The following NARS2 variants were observed in gnomAD, a reference collection of about 807,000 sequenced individuals.
The protein encoded by NARS2 is asparaginyl-tRNA synthetase 2, mitochondrial, also known as asparaginyl-tRNA synthetase.
In NARS2, 60 loss-of-function variants were observed where a neutral mutation model predicts 62.9. The ratio of observed to expected loss-of-function variants is 0.95; its 90% CI spans 0.77 to 1.18. NARS2 has a LOEUF of 1.18. NARS2 is among the 50% of genes most tolerant of loss of function. The pLI is 0.00. For missense variants in NARS2, 619 were observed against 576.4 expected, an observed-to-expected ratio of 1.07 and a Z score of -0.76; for synonymous variants, 196 against 200.0, an observed-to-expected ratio of 0.98 and a Z score of 0.17.
chr11:78,473,439 G>T (rs1359851633), intron 9 of NARS2, among the ~76,000 whole-genome samples: 1 of 152,138 alleles, frequency 6.6e-6, no homozygotes, highest in Admixed American at 6.5e-5. Context: ...CTGTGTATTT[G>T]GAGTGTGAGA....
intron 9 of NARS2, among the ~76,000 whole-genome samples, chr11:78,472,437 TCA>T (rs1293023292): frequency 6.6e-6 from 1 of 152,146 alleles, no homozygotes; most frequent in African/African-American, 2.4e-5. Context: ...CGCCTCAAAT[TCA>T]CACACAAAGA....
At chr11:78,469,211 T>TCA in intron 10 of NARS2, 36 bp downstream of exon 10, 3 of 1,416,706 alleles carry the variant, frequency 2.1e-6, no homozygotes, top group South Asian at 2.3e-5. Flanking sequence ...GGAAGCATTT[T>TCA]CACACACACA....
At chr11:78,535,439 A>T (rs1324825642) in intron 5 of NARS2, among the ~76,000 whole-genome samples, 2 of 152,220 alleles carry the variant, frequency 1.3e-5, no homozygotes, top group Non-Finnish European at 2.9e-5. Context: ...CAGAATTCTT[A>T]TTCATTATAA....
intron 7 of NARS2, among the ~76,000 whole-genome samples, chr11:78,484,593 A>G (rs553092804): frequency 9.9e-5 from 15 of 152,168 alleles, no homozygotes; most frequent in Non-Finnish European, 1.5e-4. Flanking sequence ...ATGAACAGAC[A>G]CTTCTTAAAA....
At chr11:78,463,289 G>C (rs1054529029) in intron 11 of NARS2, among the ~76,000 whole-genome samples, 6 of 152,124 alleles carry the variant, frequency 3.9e-5, no homozygotes, top group African/African-American at 1.4e-4. Flanking sequence ...TGAATTCCTG[G>C]TCTCAAGCAA....
intron 1 of NARS2, chr11:78,573,071 A>G (rs1856988261): frequency 6.6e-6 from 1 of 152,168 alleles, no homozygotes; most frequent in Admixed American, 6.5e-5. Context: ...TGTATACCCA[A>G]TCAATAGACC....
chr11:78,488,788 T>A (rs771056883), intron 7 of NARS2, among the ~76,000 whole-genome samples: 6 of 152,004 alleles, frequency 3.9e-5, no homozygotes, highest in Admixed American at 6.6e-5. Context: ...CTGAAATAGA[T>A]CCATATATAT....
At chr11:78,529,416 CAA>C (rs1475642906) in intron 5 of NARS2, among the ~76,000 whole-genome samples, 2 of 152,012 alleles carry the variant, frequency 1.3e-5, no homozygotes, top group Non-Finnish European at 1.5e-5. Context: ...TATGAACTTT[CAA>C]AAACAGTATT....
chr11:78,470,019 C>CTGAA (rs1224139122), intron 9 of NARS2, among the ~76,000 whole-genome samples: 1 of 152,002 alleles, frequency 6.6e-6, no homozygotes, highest in East Asian at 1.9e-4. Flanking sequence ...GTACAAGGAC[C>CTGAA]TGAAGTGAGA....
intron 5 of NARS2, among the ~76,000 whole-genome samples, chr11:78,550,752 C>G (rs2135489746): frequency 6.6e-6 from 1 of 152,250 alleles, no homozygotes; most frequent in East Asian, 1.9e-4. Context: ...GAAATTAAAT[C>G]ATAAATTCAT....
At chr11:78,531,503 T>C (rs1414481517) in intron 5 of NARS2, among the ~76,000 whole-genome samples, 2 of 152,174 alleles carry the variant, frequency 1.3e-5, no homozygotes, top group East Asian at 3.9e-4. Context: ...ATTCCATTCC[T>C]AGGTACATAC....
At chr11:78,440,300 G>C (rs1857536509) in intron 13 of NARS2, among the ~76,000 whole-genome samples, 1 of 152,126 alleles carries the variant, frequency 6.6e-6, no homozygotes, top group South Asian at 2.1e-4. Context: ...CTGACCTCAA[G>C]TGATCCACCC....
chr11:78,572,933 A>G (rs770229454), intron 1 of NARS2, among the ~76,000 whole-genome samples: 143 of 152,356 alleles, frequency 9.4e-4, no homozygotes, highest in Non-Finnish European at 5.4e-4. Context: ...TCAAGTGCTC[A>G]GAGCCAAAAG....
At chr11:78,517,333 G>C (rs1171118663) in intron 6 of NARS2, among the ~76,000 whole-genome samples, 2 of 152,158 alleles carry the variant, frequency 1.3e-5, no homozygotes, top group African/African-American at 4.8e-5. Context: ...ATTTCATTTT[G>C]AACATGTTGA....
chr11:78,518,572 C>T (rs1860997834), intron 6 of NARS2, among the ~76,000 whole-genome samples: 1 of 151,920 alleles, frequency 6.6e-6, no homozygotes, highest in East Asian at 1.9e-4. Context: ...GGCCAGAGTG[C>T]AGTGGCGCAA....
chr11:78,469,222 T>A (rs749315308), intron 10 of NARS2, 25 bp downstream of exon 10: 3 of 1,514,576 alleles, frequency 2.0e-6, no homozygotes, highest in Non-Finnish European at 1.8e-6. Flanking sequence ...CACACACACA[T>A]ATATACATAC....
chr11:78,458,836 T>C (rs946043287), intron 11 of NARS2, among the ~76,000 whole-genome samples: 1 of 152,204 alleles, frequency 6.6e-6, no homozygotes, highest in Non-Finnish European at 1.5e-5. Flanking sequence ...TTGTGGGAGA[T>C]AACTGAATCA....
intron 7 of NARS2, 85 bp downstream of exon 7, chr11:78,492,978 T>C: frequency 8.2e-7 from 1 of 1,215,314 alleles, no homozygotes; most frequent in Non-Finnish European, 1.2e-6. Context: ...TGAATACCTG[T>C]AACACATAAA....
chr11:78,493,258 A>AC, intron 6 of NARS2, 63 bp from the exon 7 acceptor site: 1 of 1,461,110 alleles, frequency 6.8e-7, no homozygotes, highest in Non-Finnish European at 9.4e-7. Flanking sequence ...GTATTTAAAT[A>AC]TTCAGTGAGC....
Sources: gnomAD v4.1 joint callset for allele counts (sites outside exome capture counted in the v4.1 genomes callset) on GRCh38, gnomAD v4.1.1 for gene constraint, MANE v1.5 for transcripts, NCBI Gene and HGNC (gene_info 2026-07-23, HGNC 2026-07-21) for gene names.